RGS17: variants seen among roughly 807,000 people sequenced by gnomAD.
The protein encoded by RGS17 is regulator of G protein signaling 17.
A neutral mutation model predicts 25.5 loss-of-function variants in RGS17; 12 were observed. The ratio of observed to expected loss-of-function variants is 0.47; its 90% CI spans 0.30 to 0.76. The LOEUF is 0.76. RGS17 is among the 30% of genes least tolerant of loss of function. RGS17 has a pLI of 0.07. For synonymous variants in RGS17, 71 were observed against 76.9 expected, an observed-to-expected ratio of 0.92 and a Z score of 0.40; for missense variants, 196 against 242.2, an observed-to-expected ratio of 0.81 and a Z score of 1.27.
chr6:153,050,714 T>C (rs542823130), intron 1 of RGS17, among the ~76,000 whole-genome samples: 2 of 152,318 alleles, frequency 1.3e-5, no homozygotes, highest in East Asian at 3.9e-4. Context: ...CATTTTTATG[T>C]TTATACACTG....
At chr6:153,104,128 C>T (rs1777345741) in intron 1 of RGS17, among the ~76,000 whole-genome samples, 1 of 152,188 alleles carries the variant, frequency 6.6e-6, no homozygotes, top group Non-Finnish European at 1.5e-5. Flanking sequence ...AGTCACATAG[C>T]TAATAAGGGG....
At chr6:153,026,427 C>A (rs1338182292) in intron 3 of RGS17, 27 bp downstream of exon 3, 5 of 1,537,294 alleles carry the variant, frequency 3.3e-6, no homozygotes, top group East Asian at 2.3e-5. Context: ...ATGCAAGAAA[C>A]AATAGCTATG....
intron 1 of RGS17, among the ~76,000 whole-genome samples, chr6:153,048,883 G>A (rs545245648): frequency 1.1e-3 from 160 of 152,088 alleles, no homozygotes; most frequent in Admixed American, 9.6e-3. Flanking sequence ...TCTAACCAAG[G>A]AGCCAATAAA....
chr6:153,093,223 C>T (rs933450821), intron 1 of RGS17, among the ~76,000 whole-genome samples: 2 of 152,126 alleles, frequency 1.3e-5, no homozygotes, highest in Non-Finnish European at 2.9e-5. Context: ...AAAACAGTGG[C>T]TATTGTGTGA....
At chr6:153,037,223 G>C (rs978117609) in intron 2 of RGS17, among the ~76,000 whole-genome samples, 2 of 149,050 alleles carry the variant, frequency 1.3e-5, no homozygotes, top group African/African-American at 2.5e-5. Context: ...CACACACACA[G>C]GAGCATGAAG....
At chr6:153,077,225 C>T (rs1045340918) in intron 1 of RGS17, among the ~76,000 whole-genome samples, 23 of 152,124 alleles carry the variant, frequency 1.5e-4, no homozygotes, top group Admixed American at 3.3e-4. Context: ...AACAATAAGA[C>T]ATATCAAACA....
At chr6:153,022,367 CAG>C (rs1779256001) in intron 4 of RGS17, among the ~76,000 whole-genome samples, 1 of 152,014 alleles carries the variant, frequency 6.6e-6, no homozygotes. Context: ...ATCAGAAAAT[CAG>C]GGGCTGTGTG....
At chr6:153,081,329 C>T (rs908877580) in intron 1 of RGS17, among the ~76,000 whole-genome samples, 1 of 151,998 alleles carries the variant, frequency 6.6e-6, no homozygotes, top group African/African-American at 2.4e-5. Flanking sequence ...GATTAAATGT[C>T]CTCTTTTTGG....
chr6:153,071,604 C>T (rs1776803327), intron 1 of RGS17, among the ~76,000 whole-genome samples: 1 of 152,100 alleles, frequency 6.6e-6, no homozygotes. Context: ...ATTTAATAGA[C>T]ATAAAACTGC....
At chr6:153,051,198 T>C (rs1318235184) in intron 1 of RGS17, among the ~76,000 whole-genome samples, 1 of 152,160 alleles carries the variant, frequency 6.6e-6, no homozygotes, top group Non-Finnish European at 1.5e-5. Context: ...TACTGAGAAG[T>C]GGAGTGCTGC....
intron 1 of RGS17, among the ~76,000 whole-genome samples, chr6:153,127,023 G>A (rs1474370488): frequency 1.3e-5 from 2 of 152,166 alleles, no homozygotes; most frequent in African/African-American, 2.4e-5. Context: ...AGTGGGGGTG[G>A]GGGAATAGTT....
At chr6:153,098,490 TTTGC>T (rs1777250152) in intron 1 of RGS17, among the ~76,000 whole-genome samples, 1 of 152,218 alleles carries the variant, frequency 6.6e-6, no homozygotes, top group African/African-American at 2.4e-5. Flanking sequence ...TGTTTGGCAC[TTTGC>T]TTGTCTCCTT....
intron 2 of RGS17, among the ~76,000 whole-genome samples, chr6:153,031,164 G>A (rs996005677): frequency 2.5e-4 from 38 of 152,154 alleles, no homozygotes; most frequent in African/African-American, 8.4e-4. Context: ...AGAAAATGAT[G>A]AGGTGGACTC....
At chr6:153,092,409 A>T (rs538618106) in intron 1 of RGS17, among the ~76,000 whole-genome samples, 2 of 152,202 alleles carry the variant, frequency 1.3e-5, no homozygotes, top group African/African-American at 4.8e-5. Flanking sequence ...TCTTACCAAT[A>T]TGTTTCATGA....
At chr6:153,015,761 G>T (rs486490) in intron 4 of RGS17, among the ~76,000 whole-genome samples, 2 of 151,630 alleles carry the variant, frequency 1.3e-5, no homozygotes, top group African/African-American at 2.4e-5. Context: ...TCACGCCATT[G>T]TCCTGCCTCA....
intron 1 of RGS17, among the ~76,000 whole-genome samples, chr6:153,067,022 AGAGT>A (rs1348119262): frequency 5.4e-5 from 8 of 148,668 alleles, no homozygotes; most frequent in Non-Finnish European, 1.0e-4. Flanking sequence ...CCTGGGTGAC[AGAGT>A]GAGACTCTGT....
chr6:153,119,150 C>T lies in RGS17; in HGVS notation c.-26+11974G>A, dbSNP rs1562339208. 2.0e-5 allele frequency among the ~76,000 whole-genome samples: 3 copies of T among 152,220 alleles called. No homozygotes were observed. In the South Asian group the frequency reaches 6.2e-4, roughly 32 times the overall value. ...TTTGACACTTTTCTACTATTGTTACCTGTATGTAAAAGACTTTCAAGTTTT... is the reference window on the plus strand; with the variant it reads ...TTTGACACTTTTCTACTATTGTTACTTGTATGTAAAAGACTTTCAAGTTTT... On this transcript the variant is annotated intron_variant, in intron 1 of 4. Transcript: ENST00000206262.
intron 3 of RGS17, 24 bp from the exon 4 acceptor site, chr6:153,024,520 G>T: frequency 6.5e-7 from 1 of 1,538,972 alleles, no homozygotes; most frequent in Non-Finnish European, 9.0e-7. Context: ...ACGGGGCCGT[G>T]ATCAAAGGGA....
intron 1 of RGS17, among the ~76,000 whole-genome samples, chr6:153,064,892 G>A (rs1193018002): frequency 6.6e-6 from 1 of 151,958 alleles, no homozygotes; most frequent in Non-Finnish European, 1.5e-5. Context: ...AAAGAAAGAA[G>A]AAAGAGAAGA....
Sources: allele counts gnomAD v4.1 joint callset (sites outside exome capture counted in the v4.1 genomes callset), GRCh38; gene constraint gnomAD v4.1.1; transcripts MANE v1.5; gene names NCBI Gene and HGNC (gene_info 2026-07-23, HGNC 2026-07-21).